The following MOB1B variants were observed in gnomAD, a reference collection of about 807,000 sequenced individuals.
MOB1B encodes the protein MOB kinase activator 1B.
MOB1B carries 19 observed loss-of-function variants against 24.4 expected under a neutral mutation model. That is an observed-to-expected ratio of 0.78 (90% CI 0.54 to 1.14). The LOEUF (loss-of-function observed/expected upper bound fraction) is 1.14. Ranked by LOEUF, MOB1B falls within the 50% of genes most tolerant of loss-of-function variation. The pLI, the probability that MOB1B is intolerant of heterozygous loss-of-function variation, is 0.00. For missense variants in MOB1B, 243 were observed against 259.6 expected, an observed-to-expected ratio of 0.94 and a Z score of 0.44; for synonymous variants, 76 against 82.1, an observed-to-expected ratio of 0.93 and a Z score of 0.40.
chr4:70,934,705 C>G (rs1329867707), intron 1 of MOB1B, among the ~76,000 whole-genome samples: 1 of 152,130 alleles, frequency 6.6e-6, no homozygotes. Flanking sequence ...ATTTGCCTGT[C>G]TCAGCATGCC....
intron 1 of MOB1B, among the ~76,000 whole-genome samples, chr4:70,944,403 G>A (rs1737485183): frequency 6.6e-6 from 1 of 152,122 alleles, no homozygotes; most frequent in South Asian, 2.1e-4. Context: ...TGTCAACAGT[G>A]TACTTTTTTC....
At chr4:70,943,842 T>G (rs114358385) in intron 1 of MOB1B, among the ~76,000 whole-genome samples, 225 of 152,264 alleles carry the variant, frequency 1.5e-3, no homozygotes, top group African/African-American at 5.3e-3. Flanking sequence ...GAGATCTAGA[T>G]TTTTGGAGAA....
intron 1 of MOB1B, among the ~76,000 whole-genome samples, chr4:70,957,273 A>C (rs987252386): frequency 6.6e-6 from 1 of 150,656 alleles, no homozygotes; most frequent in East Asian, 1.9e-4. Flanking sequence ...AAAAAAAAAA[A>C]AAAAACAGAA....
chr4:70,931,009 G>A (rs934878789), intron 1 of MOB1B, among the ~76,000 whole-genome samples: 1 of 103,454 alleles, frequency 9.7e-6, no homozygotes, highest in Non-Finnish European at 1.8e-5. Flanking sequence ...TCTCTGCCTT[G>A]TGTCCCAGGT....
intron 1 of MOB1B, among the ~76,000 whole-genome samples, chr4:70,937,052 G>A (rs901527939): frequency 5.9e-5 from 9 of 151,870 alleles, no homozygotes; most frequent in Admixed American, 1.3e-4. Flanking sequence ...GAGTAGCTGG[G>A]GATTACAGGC....
At chr4:70,907,063 T>G (rs1029764328) in intron 1 of MOB1B, among the ~76,000 whole-genome samples, 1 of 152,166 alleles carries the variant, frequency 6.6e-6, no homozygotes, top group African/African-American at 2.4e-5. Context: ...GAGAGTACAG[T>G]CAGAGGAAAC....
intron 1 of MOB1B, among the ~76,000 whole-genome samples, chr4:70,916,550 T>C (rs1736202453): frequency 6.6e-6 from 1 of 152,168 alleles, no homozygotes; most frequent in Admixed American, 6.5e-5. Flanking sequence ...GCAATTTCTT[T>C]GTTAATCCCC....
intron 1 of MOB1B, among the ~76,000 whole-genome samples, chr4:70,907,992 T>C (rs1309958241): frequency 5.9e-5 from 9 of 151,976 alleles, no homozygotes; most frequent in Admixed American, 5.9e-4. Context: ...GGTTTGGGAA[T>C]GTGAATGACT....
intron 1 of MOB1B, among the ~76,000 whole-genome samples, chr4:70,925,094 A>G (rs999459788): frequency 6.6e-6 from 1 of 152,074 alleles, no homozygotes; most frequent in African/African-American, 2.4e-5. Flanking sequence ...CTCAGGCCAG[A>G]GTGCAATGGC....
intron 1 of MOB1B, among the ~76,000 whole-genome samples, chr4:70,917,665 G>C (rs1736249277): frequency 6.6e-6 from 1 of 152,084 alleles, no homozygotes; most frequent in African/African-American, 2.4e-5. Flanking sequence ...ATACACTGTA[G>C]TATAATAATC....
At chr4:70,933,294 A>G (rs1736953127) in intron 1 of MOB1B, among the ~76,000 whole-genome samples, 1 of 152,174 alleles carries the variant, frequency 6.6e-6, no homozygotes, top group Non-Finnish European at 1.5e-5. Flanking sequence ...CAACACTAAG[A>G]CATGAGATTT....
chr4:70,965,669 C>T (rs1224638615), intron 2 of MOB1B, among the ~76,000 whole-genome samples: 1 of 150,662 alleles, frequency 6.6e-6, no homozygotes, highest in Non-Finnish European at 1.5e-5. Flanking sequence ...TGGTGGCGGG[C>T]GCCTGCAGTC....
chr4:70,968,674 G>C (rs1053863612), intron 2 of MOB1B, among the ~76,000 whole-genome samples: 5 of 152,142 alleles, frequency 3.3e-5, no homozygotes, highest in Non-Finnish European at 5.9e-5. Context: ...GAGTGCAGTG[G>C]TGAAATCATA....
chr4:70,985,692 A>G lies in MOB1B; in HGVS notation c.*3635A>G, dbSNP rs111425988. On this transcript the variant is annotated 3_prime_UTR_variant, in exon 6 of 6. Transcript: ENST00000309395. ...GCAGCACCACACCTGGCTAATTTTC[A>G]TATTTTTAGTAGAGATGGGGTTTCA... The G allele has an allele frequency of 0.013, 1,962 of 151,768 alleles. 36 individuals are homozygous for G. The highest frequency in any genetic ancestry group is 0.045 in the African/African-American group (1,868 of 41,370). The allele number at this position is 151,768 out of a possible 1,614,324, so 9.4% of individuals were successfully genotyped here. A position where few individuals can be genotyped will look rare whatever the true frequency, so the allele number is the denominator to read the frequency against.
chr4:70,933,621 G>T (rs1417608497), intron 1 of MOB1B, among the ~76,000 whole-genome samples: 1 of 135,554 alleles, frequency 7.4e-6, no homozygotes, highest in Admixed American at 8.6e-5. Flanking sequence ...GTGTGATCTC[G>T]GCTCACTGCA....
intron 4 of MOB1B, among the ~76,000 whole-genome samples, chr4:70,977,814 C>T (rs973058818): frequency 6.6e-6 from 1 of 152,098 alleles, no homozygotes; most frequent in African/African-American, 2.4e-5. Flanking sequence ...CTTCAGCCTC[C>T]TAAGTAACTG....
At chr4:70,936,009 G>A (rs1421077597) in intron 1 of MOB1B, among the ~76,000 whole-genome samples, 5 of 151,628 alleles carry the variant, frequency 3.3e-5, no homozygotes, top group African/African-American at 4.8e-5. Context: ...CCACCACTAC[G>A]CCCGGCTAAT....
At chr4:70,955,532 G>A (rs867897090) in intron 1 of MOB1B, among the ~76,000 whole-genome samples, 28 of 144,950 alleles carry the variant, frequency 1.9e-4, no homozygotes, top group Middle Eastern at 3.7e-3. Context: ...GTGCAATGGC[G>A]TGATCTCGGC....
chr4:70,976,428 A>G (rs766812451), intron 4 of MOB1B: 63 of 985,270 alleles, frequency 6.4e-5, no homozygotes, highest in Non-Finnish European at 7.5e-5. Context: ...GAAGAAAACA[A>G]GATTTGAGGG....
Sources: gnomAD v4.1 joint callset for allele counts (sites outside exome capture counted in the v4.1 genomes callset) on GRCh38, gnomAD v4.1.1 for gene constraint, MANE v1.5 for transcripts, NCBI Gene and HGNC (gene_info 2026-07-23, HGNC 2026-07-21) for gene names.